The following COBLL1 variants were observed in gnomAD, a reference collection of about 807,000 sequenced individuals.
COBLL1 encodes cordon-bleu WH2 repeat protein like 1, also known as cordon-bleu protein-like 1.
A neutral mutation model predicts 94.8 loss-of-function variants in COBLL1; 50 were observed. The observed-to-expected ratio is 0.53, with a 90% CI of 0.42 to 0.67. The LOEUF is 0.67. COBLL1 is among the 30% of genes least tolerant of loss of function. The pLI is 0.00. For missense variants in COBLL1, 1,362 were observed against 1,348.7 expected (o/e 1.01, Z -0.15); for synonymous variants, 448 against 473.8 (o/e 0.95, Z 0.71).
chr2:164,829,783 T>C (rs1049812952), intron 2 of COBLL1, among the ~76,000 whole-genome samples: 1 of 152,214 alleles, frequency 6.6e-6, no homozygotes, highest in African/African-American at 2.4e-5. Flanking sequence ...TAGCCAATTA[T>C]AGAGCTTCAG....
intron 2 of COBLL1, among the ~76,000 whole-genome samples, chr2:164,826,924 T>G (rs891234541): frequency 3.2e-4 from 49 of 152,058 alleles, no homozygotes; most frequent in African/African-American, 1.1e-3. Flanking sequence ...CTCTCTTTTT[T>G]GTTTTGTTTT....
At chr2:164,714,614 A>T (rs1685072115) in intron 7 of COBLL1, among the ~76,000 whole-genome samples, 1 of 152,098 alleles carries the variant, frequency 6.6e-6, no homozygotes, top group Non-Finnish European at 1.5e-5. Context: ...CCAGAAAGGC[A>T]ATTAAGGCTG....
chr2:164,703,118 A>G (rs751506205), intron 9 of COBLL1: 7 of 1,611,560 alleles, frequency 4.3e-6, no homozygotes, highest in Non-Finnish European at 4.2e-6. Context: ...CAATGATGTT[A>G]TGGCTGCCTC....
chr2:164,814,325 T>G (rs114699691), intron 2 of COBLL1, among the ~76,000 whole-genome samples: 1,709 of 152,232 alleles, frequency 0.011, 13 homozygotes, highest in Middle Eastern at 0.048. Context: ...TAGCATCTAA[T>G]AAGGTCTTAA....
chr2:164,795,193 A>G (rs942257511), intron 2 of COBLL1, among the ~76,000 whole-genome samples: 1 of 152,174 alleles, frequency 6.6e-6, no homozygotes, highest in Admixed American at 6.6e-5. Flanking sequence ...AACTTTTAGA[A>G]ATAATGTTTT....
At chr2:164,756,025 C>G (rs1394204956) in intron 2 of COBLL1, among the ~76,000 whole-genome samples, 1 of 146,294 alleles carries the variant, frequency 6.8e-6, no homozygotes, top group Non-Finnish European at 1.5e-5. Context: ...TGTGAGTATA[C>G]ATACGTGCGT....
At chr2:164,796,062 T>G (rs1374563816) in intron 2 of COBLL1, among the ~76,000 whole-genome samples, 1 of 152,164 alleles carries the variant, frequency 6.6e-6, no homozygotes. Flanking sequence ...AAATCTATGT[T>G]GCCTAGATCT....
chr2:164,840,602 C>G (rs1239371974), intron 2 of COBLL1: 2 of 152,272 alleles, frequency 1.3e-5, no homozygotes, highest in Non-Finnish European at 2.9e-5. Context: ...GTTTTGGAAC[C>G]AGCAATTGGC....
chr2:164,831,874 C>CTTA (rs1553483364), intron 2 of COBLL1, among the ~76,000 whole-genome samples: 3 of 152,176 alleles, frequency 2.0e-5, no homozygotes, highest in Non-Finnish European at 4.4e-5. Flanking sequence ...TTGCATTCAT[C>CTTA]TTAGCACAAA....
intron 13 of COBLL1, among the ~76,000 whole-genome samples, chr2:164,691,590 C>T (rs1443296455): frequency 6.6e-6 from 1 of 152,006 alleles, no homozygotes; most frequent in African/African-American, 2.4e-5. Flanking sequence ...TGAAGGGAAC[C>T]CAAGGAGGAA....
At chr2:164,837,603 T>C in intron 2 of COBLL1, 2 of 398,516 alleles carry the variant, frequency 5.0e-6, no homozygotes, top group Non-Finnish European at 1.0e-5. Context: ...GTTAAACCAG[T>C]CAACTTTCAC....
rs76036018 is a variant in COBLL1 at position 164,798,514 on chromosome 2, T to A, written c.41+42642A>T. On this transcript the variant is annotated intron_variant, in intron 2 of 13. Coordinates refer to ENST00000652658, the MANE Select transcript of COBLL1 (RefSeq NM_001365672.2). ...AGGTTATCTTTCCCTAATCAATACT[T>A]AAATGAGATCATAAATAAGAGCTGA... Among the ~76,000 whole-genome samples the A allele has an allele frequency of 5.7e-3, 870 of 152,266 alleles. 3 individuals carry two copies. Among genetic ancestry groups the A allele is most frequent in the African/African-American group, 0.019 (797 of 41,546 alleles).
rs114787082 is a variant in COBLL1, at chr2:164,700,641, T to C, written c.1341A>G (p.Val447=). The change falls in exon 10 of 14, where the codon GTA becomes GTG. Residue 447 remains valine (V), a synonymous_variant. Transcript: ENST00000652658. ...TCAGTGTATTTATTATATCAGTAGA[T>C]ACAAAAGGAATATCTTGTGACTTCG... is the stretch of plus-strand genomic sequence containing the variant. ...ISPKSQDIPF[V]STDIINTLKN... is the part of the protein sequence containing the mutation. 1.4e-3 allele frequency: 2,271 copies of C among 1,613,226 alleles called. 21 individuals are homozygous for C. In the African/African-American group the frequency reaches 0.027, roughly 19 times the overall value.
chr2:164,761,705 T>C (rs989035339), intron 2 of COBLL1, among the ~76,000 whole-genome samples: 4 of 152,174 alleles, frequency 2.6e-5, no homozygotes, highest in African/African-American at 9.7e-5. Flanking sequence ...GATTTAAAAG[T>C]TTCCTTTGTT....
chr2:164,773,636 A>T, intron 2 of COBLL1: 1 of 563,300 alleles, frequency 1.8e-6, no homozygotes, highest in Non-Finnish European at 2.8e-6. Flanking sequence ...AGAAAATATT[A>T]GATATTTTTA....
At chr2:164,806,423 C>T (rs904476534) in intron 2 of COBLL1, among the ~76,000 whole-genome samples, 1 of 152,142 alleles carries the variant, frequency 6.6e-6, no homozygotes, top group African/African-American at 2.4e-5. Context: ...GATTTTACAA[C>T]CATACTTAGA....
At position 164,730,111 on chromosome 2, in the gene COBLL1, G is replaced by T. The variant is rs1302484610; in HGVS notation, c.235C>A (p.Pro79Thr). 6.2e-7 allele frequency: 1 copy of T among 1,612,198 alleles called. No homozygotes were observed. The highest frequency in any genetic ancestry group is 2.2e-5 in the East Asian group (1 of 44,794). Residue 79 changes from proline to threonine, a missense_variant, in exon 4 of 14, where the codon CCT becomes ACT. Coordinates refer to ENST00000652658, the MANE Select transcript of COBLL1 (RefSeq NM_001365672.2). ...AGGAATATCAACAAGTCCATCATAG[G>T]TTTACTGTAAAACAAGAGTATTTCA... ...IKSTTVHGSKPMMDLLIFLCA... is the reference protein window; with the variant it reads ...IKSTTVHGSKTMMDLLIFLCA...
In COBLL1 at chr2:164,682,012, A is replaced by G. The variant is rs1683064672; in HGVS notation, c.*3934T>C. Reference sequence around the variant, plus strand: ...AAAACCAACTGAAGATTCAGAACAAATAACTTCCTATTCTGGTATCCCTTG... The same window carrying G: ...AAAACCAACTGAAGATTCAGAACAAGTAACTTCCTATTCTGGTATCCCTTG... On this transcript the variant is annotated 3_prime_UTR_variant, in exon 14 of 14. Coordinates refer to ENST00000652658, the MANE Select transcript of COBLL1 (RefSeq NM_001365672.2). The G allele has an allele frequency of 6.6e-6, 1 of 152,206 alleles. No individual in the cohort carries two copies. The highest frequency in any genetic ancestry group is 6.5e-5 in the Admixed American group (1 of 15,268). 9.4% of individuals were successfully genotyped at this position (152,206 alleles called of 1,614,324 possible).
rs117592517 is a variant in COBLL1, at chr2:164,753,539, G to A, written c.42-9664C>T. Reference sequence around the variant, plus strand: ...TCTTTCAAGTACCTTGTCATTACCCGCCTTTCTTTTGCAGCAAAACTTCTA... The same window carrying A: ...TCTTTCAAGTACCTTGTCATTACCCACCTTTCTTTTGCAGCAAAACTTCTA... On this transcript the variant is annotated intron_variant, in intron 2 of 13. Coordinates refer to ENST00000652658, the MANE Select transcript of COBLL1 (RefSeq NM_001365672.2). Among the ~76,000 whole-genome samples, 48 of 151,844 alleles carry A rather than the reference G, an allele frequency of 3.2e-4. No homozygotes were observed. In the East Asian group the frequency reaches 6.2e-3, roughly 20 times the overall value.
Sources: gnomAD v4.1 joint callset for allele counts (sites outside exome capture counted in the v4.1 genomes callset) on GRCh38, gnomAD v4.1.1 for gene constraint, MANE v1.5 for transcripts, NCBI Gene and HGNC (gene_info 2026-07-23, HGNC 2026-07-21) for gene names.